CHDH: variants seen among roughly 807,000 people sequenced by gnomAD.
CHDH encodes the protein choline dehydrogenase, mitochondrial.
Under a neutral mutation model 56.9 loss-of-function variants are expected in CHDH, and 43 were observed. The ratio of observed to expected loss-of-function variants is 0.76; its 90% CI spans 0.59 to 0.97. CHDH has a LOEUF of 0.97. CHDH is among the 50% of genes least tolerant of loss of function. The pLI is 0.00. For synonymous variants in CHDH, 364 were observed against 348.5 expected (o/e 1.04, Z -0.50); for missense variants, 816 against 821.1 (o/e 0.99, Z 0.08).
chr3:53,832,917 G>A (rs1379784837), intron 2 of CHDH, among the ~76,000 whole-genome samples: 1 of 152,174 alleles, frequency 6.6e-6, no homozygotes, highest in Non-Finnish European at 1.5e-5. Flanking sequence ...CGCTTACAAT[G>A]GTTAAATCAC....
chr3:53,842,467 AACG>A (rs1404049254), intron 1 of CHDH, among the ~76,000 whole-genome samples: 3 of 152,244 alleles, frequency 2.0e-5, no homozygotes, highest in South Asian at 4.2e-4. Context: ...GCTTTGAGAG[AACG>A]ACAACAGTAC....
At position 53,815,819 on chromosome 3, in the gene CHDH, C is replaced by G. The variant is rs969172381; in HGVS notation, c.*1958G>C. ...CACACGCTCCAGCAGGAAAGCTGCA[C>G]GAGGCCCTCCAAGTTACGGGGCTGG... On this transcript the variant is annotated 3_prime_UTR_variant, in exon 9 of 9. Transcript: ENST00000315251. 1 of 152,266 alleles carries G rather than the reference C, an allele frequency of 6.6e-6. No homozygotes were observed. The highest frequency in any genetic ancestry group is 1.5e-5 in the Non-Finnish European group (1 of 68,122). The allele number at this position is 152,266 out of a possible 1,614,324, so 9.4% of individuals were successfully genotyped here.
chr3:53,818,234 G>A (rs371880768), intron 8 of CHDH, 39 bp from the exon 9 acceptor site: 63 of 1,517,314 alleles, frequency 4.2e-5, no homozygotes, highest in Non-Finnish European at 4.9e-5. Flanking sequence ...CCCTCCTTTT[G>A]CCCGTGCTGG....
At chr3:53,829,505 A>C (rs35491417) in intron 2 of CHDH, among the ~76,000 whole-genome samples, 21 of 151,822 alleles carry the variant, frequency 1.4e-4, no homozygotes, top group Non-Finnish European at 2.4e-4. Context: ...TATATGGGAA[A>C]TCTCTTCACC....
intron 2 of CHDH, among the ~76,000 whole-genome samples, chr3:53,836,923 A>G (rs1461582180): frequency 6.6e-6 from 1 of 152,258 alleles, no homozygotes; most frequent in Non-Finnish European, 1.5e-5. Context: ...GTTTAAAACA[A>G]TTTTTTGAAA....
In CHDH at chr3:53,815,599, C is replaced by T. The variant is rs968897064; in HGVS notation, c.*2178G>A. On this transcript the variant is annotated 3_prime_UTR_variant, in exon 9 of 9. Transcript: ENST00000315251. ...CAGCATCACCAATGGGCTCCTCTTA[C>T]CATATGACGTTTTGCTTATTTTAAA... 1.3e-5 allele frequency: 2 copies of T among 152,164 alleles called. No homozygotes were observed. Among genetic ancestry groups the T allele is most frequent in the South Asian group, 2.1e-4 (1 of 4,826 alleles). 9.4% of individuals were successfully genotyped at this position (152,164 alleles called of 1,614,324 possible).
chr3:53,836,770 C>T (rs1248293817), intron 2 of CHDH, among the ~76,000 whole-genome samples: 1 of 152,218 alleles, frequency 6.6e-6, no homozygotes, highest in South Asian at 2.1e-4. Flanking sequence ...GGATGCTGAG[C>T]TCATACACCT....
At position 53,823,251 on chromosome 3, in the gene CHDH, G is replaced by A. The variant is rs56691534; in HGVS notation, c.703+55C>T. 204 of 1,419,082 alleles carry A rather than the reference G, an allele frequency of 1.4e-4. 1 individual carries two copies. The East Asian group carries it at 4.9e-3, about 34-fold the overall frequency. The allele number at this position is 1,419,082 out of a possible 1,614,324, so 87.9% of individuals were successfully genotyped here. ...AGCCTGGAGCCACGGGCCAAGATGG[G>A]TGGGGGCTGGGGTAGGGGGTAGTGC... On this transcript the variant is annotated intron_variant, in intron 3 of 8. Coordinates refer to ENST00000315251, the MANE Select transcript of CHDH (RefSeq NM_018397.5).
In CHDH at chr3:53,816,140, C is replaced by CG. The variant is rs1186095207; in HGVS notation, c.*1636_*1637insC. 2 of 120,878 alleles carry CG rather than the reference C, an allele frequency of 1.7e-5. No homozygotes were observed. Among genetic ancestry groups the CG allele is most frequent in the South Asian group, 3.3e-4 (1 of 3,042 alleles). 7.5% of individuals were successfully genotyped at this position (120,878 alleles called of 1,614,324 possible). On this transcript the variant is annotated 3_prime_UTR_variant, in exon 9 of 9. Transcript: ENST00000315251. Reference sequence around the variant, plus strand: ...AACTTGTGGCTGTCGGACGCCCCCCCCCCCCGCCCCAGTCTGTAAGCCGCC... The same window carrying CG: ...AACTTGTGGCTGTCGGACGCCCCCCCGCCCCCGCCCCAGTCTGTAAGCCGCC...
chr3:53,823,723 C>G lies in CHDH; in HGVS notation c.286G>C (p.Ala96Pro). The change falls in exon 3 of 9, where the codon GCC (alanine) becomes CCC (proline). Residue 96 changes from alanine to proline, a missense_variant. Coordinates refer to ENST00000315251, the MANE Select transcript of CHDH (RefSeq NM_018397.5). ...TTGTACCTGTCGTCGCACAGGTTGG[C>G]CACCAGGGCCGCGGGCATGTGGATC... ...WKIHMPAALV[A>P]NLCDDRYNWC... The G allele has an allele frequency of 6.4e-7, 1 of 1,552,250 alleles. No individual in the cohort carries two copies. Among genetic ancestry groups the G allele is most frequent in the Non-Finnish European group, 8.7e-7 (1 of 1,148,824 alleles).
intron 2 of CHDH, among the ~76,000 whole-genome samples, chr3:53,838,517 C>T (rs945208574): frequency 2.6e-5 from 4 of 152,194 alleles, no homozygotes; most frequent in Non-Finnish European, 4.4e-5. Context: ...CAGCCAGAGG[C>T]AGACCGAGGG....
Position 53,821,676 on chromosome 3 carries a change from A to T in CHDH, c.956T>A (p.Leu319Gln). ...GIGNADDLKK[L>Q]GIPVVCHLPG... ...TAGGTGGCACACCACAGGGATGCCC[A>T]GTTTCTTGAGGTCATCAGCATTCCC... Residue 319 changes from leucine (L) to glutamine (Q), a missense_variant, in exon 5 of 9, where the codon CTG (leucine) becomes CAG (glutamine). Physicochemically the swap from Leu to Gln is moderately radical, Grantham distance 113. Coordinates refer to ENST00000315251, the MANE Select transcript of CHDH (RefSeq NM_018397.5). The T allele has an allele frequency of 6.2e-7, 1 of 1,613,954 alleles. No individual in the cohort carries two copies. The highest frequency in any genetic ancestry group is 2.2e-5 in the East Asian group (1 of 44,888).
chr3:53,828,503 T>G (rs892247194), intron 2 of CHDH, among the ~76,000 whole-genome samples: 1 of 152,202 alleles, frequency 6.6e-6, no homozygotes, highest in African/African-American at 2.4e-5. Flanking sequence ...AAGATACACC[T>G]TATAAAGGAC....
At chr3:53,826,987 T>G (rs972112073) in intron 2 of CHDH, among the ~76,000 whole-genome samples, 6 of 152,098 alleles carry the variant, frequency 3.9e-5, no homozygotes, top group African/African-American at 1.4e-4. Context: ...ACAATATCAT[T>G]TAAATTAGCA....
Position 53,821,732 on chromosome 3 carries a change from G to A in CHDH, c.900C>T (p.Asn300=), listed in dbSNP as rs1161419585. ...CAGAGAGCATGAGCAGCTGTGGAGA[G>A]TTGATGGCACCTCCACTCAGAATCA... is the stretch of plus-strand genomic sequence containing the variant. ...KEVILSGGAI[N]SPQLLMLSGI... is the part of the protein sequence containing the mutation. Residue 300 remains asparagine, a synonymous_variant, in exon 5 of 9, where the codon AAC becomes AAT. Coordinates refer to ENST00000315251, the MANE Select transcript of CHDH (RefSeq NM_018397.5). 5 of 1,613,980 alleles carry A rather than the reference G, an allele frequency of 3.1e-6. No individual in the cohort carries two copies. The highest frequency in any genetic ancestry group is 1.7e-5 in the Admixed American group (1 of 60,008).
Position 53,818,008 on chromosome 3 carries a change from C to T in CHDH, c.1554G>A (p.Met518Ile). 6.2e-7 allele frequency: 1 copy of T among 1,614,192 alleles called. No homozygotes were observed. Among genetic ancestry groups the T allele is most frequent in the Non-Finnish European group, 8.5e-7 (1 of 1,180,032 alleles). Reference protein sequence around the residue: ...SAYHPSCTCKMGQPSDPTAVV... With the variant: ...SAYHPSCTCKIGQPSDPTAVV... ...CGGCAGTGGGATCGGAGGGCTGGCCCATCTTACAGGTGCACGAGGGGTGGT... is the reference window on the plus strand; with the variant it reads ...CGGCAGTGGGATCGGAGGGCTGGCCTATCTTACAGGTGCACGAGGGGTGGT... The change falls in exon 9 of 9, where the codon ATG (methionine) becomes ATA (isoleucine). Residue 518 changes from methionine to isoleucine, a missense_variant. Met to Ile is a conservative substitution (Grantham distance 10). Transcript: ENST00000315251.
rs1001313477 is a variant in CHDH at position 53,812,559 on chromosome 3, G to A, written c.*5218C>T. 1 of 144,976 alleles carries A rather than the reference G, an allele frequency of 6.9e-6. No homozygotes were observed. The highest frequency in any genetic ancestry group is 2.7e-5 in the African/African-American group (1 of 37,124). 9.0% of individuals were successfully genotyped at this position (144,976 alleles called of 1,614,324 possible). On this transcript the variant is annotated 3_prime_UTR_variant, in exon 9 of 9. Transcript: ENST00000315251. ...TCCACCATGGGTTGCAACTGTCTTT[G>A]GTTTTGTTTGTTTGACTTGAACCAC...
Position 53,823,639 on chromosome 3 carries a change from G to C in CHDH, c.370C>G (p.Arg124Gly). The change falls in exon 3 of 9, where the codon CGC becomes GGC. Residue 124 changes from arginine (R) to glycine (G), a missense_variant. Transcript: ENST00000315251. Reference protein sequence around the residue: ...GLDGRVLYWPRGRVWGGSSSL... With the variant: ...GLDGRVLYWPGGRVWGGSSSL... Reference sequence around the variant, plus strand: ...GAGGAGCCACCCCAGACGCGGCCGCGTGGCCAGTACAGCACGCGGCCGTCC... The same window carrying C: ...GAGGAGCCACCCCAGACGCGGCCGCCTGGCCAGTACAGCACGCGGCCGTCC... 1 of 1,544,494 alleles carries C rather than the reference G, an allele frequency of 6.5e-7. No homozygotes were observed.
At chr3:53,818,767 A>C (rs2095620396) in intron 8 of CHDH, among the ~76,000 whole-genome samples, 171 bp downstream of exon 8, 1 of 152,212 alleles carries the variant, frequency 6.6e-6, no homozygotes, top group South Asian at 2.1e-4. Flanking sequence ...GTCCCAGGAC[A>C]CTACGGGGCT....
Sources: allele counts gnomAD v4.1 joint callset (sites outside exome capture counted in the v4.1 genomes callset), GRCh38; gene constraint gnomAD v4.1.1; transcripts MANE v1.5; gene names NCBI Gene and HGNC (gene_info 2026-07-23, HGNC 2026-07-21).